The following CAMKK1 variants were observed in gnomAD, a reference collection of about 807,000 sequenced individuals.
CAMKK1 encodes the protein calcium/calmodulin dependent protein kinase kinase 1.
Under a neutral mutation model 63.5 loss-of-function variants are expected in CAMKK1, and 20 were observed. The observed-to-expected ratio is 0.32, with a 90% CI of 0.22 to 0.46. CAMKK1 has a LOEUF of 0.46. Among genes scored for constraint, CAMKK1 ranks in the 20% least tolerant of loss-of-function variants. The probability of loss-of-function intolerance (pLI) is 1.00; values close to 1 mark genes in which losing one functional copy is unlikely to be tolerated. For synonymous variants in CAMKK1, 253 were observed against 269.0 expected, an observed-to-expected ratio of 0.94 and a Z score of 0.58; for missense variants, 588 against 658.1, an observed-to-expected ratio of 0.89 and a Z score of 1.17.
chr17:3,876,899 A>C lies in CAMKK1; in HGVS notation c.797-477T>G, dbSNP rs570824532. Among the ~76,000 whole-genome samples, 16 of 151,956 alleles carry C rather than the reference A, an allele frequency of 1.1e-4. No homozygotes were observed. The East Asian group carries it at 3.1e-3, about 29-fold the overall frequency. The stretch of plus-strand genomic sequence containing the variant: ...CAGCCTCCCGAGTAGTTGGGATTAC[A>C]GGTGTCTGCCACCACGCCCGGCTAC... On this transcript the variant is annotated intron_variant, in intron 9 of 15. Transcript: ENST00000348335.
Position 3,869,799 on chromosome 17 carries a change from ACCTTGATGTCTGGCAC to A in CAMKK1, c.1198_1212+1del. ...CCAGCCCAAGACCCCCAGTTCCCCGACCTTGATGTCTGGCACCCCAATTCTCGTCTCGGGATTCTTG... is the reference window on the plus strand; with the variant it reads ...CCAGCCCAAGACCCCCAGTTCCCCGACCCAATTCTCGTCTCGGGATTCTTG... On this transcript the variant is annotated splice_donor_variant and coding_sequence_variant, in exon 13 of 16. Transcript: ENST00000348335. LOFTEE classifies it high-confidence loss of function. 6.2e-7 allele frequency: 1 copy of A among 1,613,916 alleles called. No homozygotes were observed. The highest frequency in any genetic ancestry group is 8.5e-7 in the Non-Finnish European group (1 of 1,179,884).
intron 12 of CAMKK1, 29 bp from the exon 13 acceptor site, chr17:3,869,917 G>T: frequency 3.2e-6 from 5 of 1,584,852 alleles, no homozygotes; most frequent in Non-Finnish European, 4.3e-6. Context: ...GGAGAGGAGG[G>T]TGGGACCGCT....
At position 3,890,890 on chromosome 17, in the gene CAMKK1, T is replaced by C. The variant is rs1472172010; in HGVS notation, c.-44+2049A>G. The C allele has an allele frequency of 2.9e-6, 2 of 684,008 alleles. No individual in the cohort carries two copies. The highest frequency in any genetic ancestry group is 4.1e-5 in the Admixed American group (2 of 48,286). 42.4% of individuals were successfully genotyped at this position (684,008 alleles called of 1,614,324 possible). ...GGTGAGCTCACCAAGTCAAACCCCT[T>C]AGAAGTCCAGATTCTACCCACTGCT... On this transcript the variant is annotated intron_variant, in intron 1 of 15. Transcript: ENST00000348335. This position sits in a 1 kb window ranked among gnomAD's most constrained non-coding sequence, Gnocchi z 6.5.
At position 3,890,016 on chromosome 17, in the gene CAMKK1, C is replaced by T. The variant is rs946214489; in HGVS notation, c.-44+2923G>A. On this transcript the variant is annotated intron_variant, in intron 1 of 15. Coordinates refer to ENST00000348335, the MANE Select transcript of CAMKK1 (RefSeq NM_032294.3). The surrounding 1 kb of genome is among the most constrained non-coding windows in gnomAD (Gnocchi z 6.5). ...AGGCAGGGGACCAGCTACATCCAGG[C>T]GAGGGGATGGACAGCCGTGACCAGC... Among the ~76,000 whole-genome samples the T allele has an allele frequency of 2.3e-4, 35 of 152,318 alleles. No homozygotes were observed. Among genetic ancestry groups the T allele is most frequent in the Admixed American group, 1.9e-3 (29 of 15,302 alleles).
intron 14 of CAMKK1, among the ~76,000 whole-genome samples, chr17:3,867,926 C>T (rs544331198): frequency 5.3e-5 from 8 of 151,410 alleles, no homozygotes; most frequent in Admixed American, 1.3e-4. Flanking sequence ...GAAATGTGAG[C>T]GGGCACTAGG....
chr17:3,875,088 C>G (rs1269084512), intron 10 of CAMKK1, among the ~76,000 whole-genome samples: 2 of 151,936 alleles, frequency 1.3e-5, no homozygotes, highest in African/African-American at 2.4e-5. Flanking sequence ...CGCCACTGCA[C>G]TCCAGCCTGG....
Position 3,885,340 on chromosome 17 carries a change from G to A in CAMKK1, c.348C>T (p.Ile116=). 23 of 1,595,720 alleles carry A rather than the reference G, an allele frequency of 1.4e-5. No individual in the cohort carries two copies. Among genetic ancestry groups the A allele is most frequent in the Non-Finnish European group, 2.0e-5 (23 of 1,168,588 alleles). ...CTGCCCCACCAACCTCTGCATCTGA[G>A]ATGGCCACGTGGTGGGACTCGATGG... ...RPTIESHHVA[I]SDAEDCVQLN... is the part of the protein sequence containing the mutation. The change falls in exon 2 of 16, where the codon ATC becomes ATT. Residue 116 remains isoleucine (I), a synonymous_variant. Transcript: ENST00000348335.
At position 3,883,249 on chromosome 17, in the gene CAMKK1, A is replaced by T. The variant is rs2055494292; in HGVS notation, c.515-74T>A. The T allele has an allele frequency of 6.3e-7, 1 of 1,583,770 alleles. No individual in the cohort carries two copies. Among genetic ancestry groups the T allele is most frequent in the Middle Eastern group, 2.0e-4 (1 of 4,908 alleles). On this transcript the variant is annotated intron_variant, in intron 5 of 15. Transcript: ENST00000348335. This position sits in a 1 kb window ranked among gnomAD's most constrained non-coding sequence, Gnocchi z 4.7. ...CACCGTGGCCCCCAAACCAGTCTCA[A>T]GCAAGAGTCTTGCATGCCCGTGGTC... is the stretch of plus-strand genomic sequence containing the variant.
At chr17:3,872,684 G>T in intron 11 of CAMKK1, 57 bp from the exon 12 acceptor site, 3 of 1,478,292 alleles carry the variant, frequency 2.0e-6, no homozygotes, top group Non-Finnish European at 2.8e-6. Flanking sequence ...CCTGTGCCAG[G>T]GGATCAACCC....
At position 3,889,644 on chromosome 17, in the gene CAMKK1, G is replaced by A. The variant is rs2055811121; in HGVS notation, c.-44+3295C>T. Among the ~76,000 whole-genome samples, 1 of 152,120 alleles carries A rather than the reference G, an allele frequency of 6.6e-6. No homozygotes were observed. Among genetic ancestry groups the A allele is most frequent in the Non-Finnish European group, 1.5e-5 (1 of 68,010 alleles). On this transcript the variant is annotated intron_variant, in intron 1 of 15. Coordinates refer to ENST00000348335, the MANE Select transcript of CAMKK1 (RefSeq NM_032294.3). The surrounding 1 kb of genome is among the most constrained non-coding windows in gnomAD (Gnocchi z 5.2). ...CTGGGATGTGGCTGTGTCTAGAAGC[G>A]TCCAAGAGAGCCTTGATGTGCAAGG...
At chr17:3,871,186 C>G (rs1441970022) in intron 12 of CAMKK1, among the ~76,000 whole-genome samples, 1 of 151,836 alleles carries the variant, frequency 6.6e-6, no homozygotes, top group East Asian at 1.9e-4. Context: ...CTGAATGAGG[C>G]AAGGGGTATA....
chr17:3,865,658 T>G, intron 15 of CAMKK1: 1 of 1,363,310 alleles, frequency 7.3e-7, no homozygotes, highest in Non-Finnish European at 9.5e-7. Flanking sequence ...CTGCGTGAGC[T>G]CCTCATCCCT....
Position 3,862,263 on chromosome 17 carries a change from C to A in CAMKK1, c.1466G>T (p.Gly489Val). ...NLLVKEGFGE[G>V]GKSPELPGVQ... ...GCCGGGGAGCTCTGGGCTCTTGCCC[C>A]CTTCACCAAACCCTTCTTTCCTGTT... The change falls in exon 16 of 16, where the codon GGG becomes GTG. Residue 489 changes from glycine to valine, a missense_variant. Coordinates refer to ENST00000348335, the MANE Select transcript of CAMKK1 (RefSeq NM_032294.3). This position sits in a 1 kb window ranked among gnomAD's most constrained non-coding sequence, Gnocchi z 4.1. 1 of 1,588,668 alleles carries A rather than the reference C, an allele frequency of 6.3e-7. No homozygotes were observed. The highest frequency in any genetic ancestry group is 2.3e-5 in the East Asian group (1 of 43,690).
rs1253020624 is a variant in CAMKK1, at chr17:3,890,062, AAGCCG to A, written c.-44+2872_-44+2876del. 1.2e-4 allele frequency among the ~76,000 whole-genome samples: 19 copies of A among 152,202 alleles called. No individual in the cohort carries two copies. The highest frequency in any genetic ancestry group is 2.2e-4 in the Non-Finnish European group (15 of 68,024). The stretch of plus-strand genomic sequence containing the variant: ...CCAGCAGAGGACCGAACAGAAGGGA[AAGCCG>A]CAGAGGTGGCGGCCACCCAGGCCAG... On this transcript the variant is annotated intron_variant, in intron 1 of 15. Coordinates refer to ENST00000348335, the MANE Select transcript of CAMKK1 (RefSeq NM_032294.3). The surrounding 1 kb of genome is among the most constrained non-coding windows in gnomAD (Gnocchi z 6.5).
rs539271817 is a variant in CAMKK1 at position 3,869,818 on chromosome 17, C to A, written c.1195G>T (p.Gly399Trp). 19 of 1,614,226 alleles carry A rather than the reference C, an allele frequency of 1.2e-5. No individual in the cohort carries two copies. In the South Asian group the frequency reaches 2.1e-4, roughly 18 times the overall value. ...TCCCCGACCTTGATGTCTGGCACCCCAATTCTCGTCTCGGGATTCTTGTCT... is the reference window on the plus strand; with the variant it reads ...TCCCCGACCTTGATGTCTGGCACCCAAATTCTCGTCTCGGGATTCTTGTCT... ...MLDKNPETRIGVPDIKLHPWV... is the reference protein window; with the variant it reads ...MLDKNPETRIWVPDIKLHPWV... Residue 399 changes from glycine (G) to tryptophan (W), a missense_variant, in exon 13 of 16, where the codon GGG (glycine) becomes TGG (tryptophan). Coordinates refer to ENST00000348335, the MANE Select transcript of CAMKK1 (RefSeq NM_032294.3).
rs564641881 is a variant in CAMKK1, at chr17:3,869,966, C to T, written c.1125-78G>A. On this transcript the variant is annotated intron_variant, in intron 12 of 15. Coordinates refer to ENST00000348335, the MANE Select transcript of CAMKK1 (RefSeq NM_032294.3). ...TCCTGTCCACCTCTCTTCCCGAAAC[C>T]TTCGTCCCTCGGATGGGAAGACTGA... The T allele has an allele frequency of 1.2e-4, 147 of 1,198,182 alleles. 3 individuals carry two copies. The South Asian group carries it at 1.8e-3, about 14-fold the overall frequency. 74.2% of individuals were successfully genotyped at this position (1,198,182 alleles called of 1,614,324 possible). A position where few individuals can be genotyped will look rare whatever the true frequency, so the allele number is the denominator to read the frequency against.
chr17:3,884,054 C>T lies in CAMKK1; in HGVS notation c.409-117G>A. 2 of 983,054 alleles carry T rather than the reference C, an allele frequency of 2.0e-6. No homozygotes were observed. The highest frequency in any genetic ancestry group is 2.5e-5 in the East Asian group (1 of 39,334). The allele number at this position is 983,054 out of a possible 1,614,324, so 60.9% of individuals were successfully genotyped here. A position where few individuals can be genotyped will look rare whatever the true frequency, so the allele number is the denominator to read the frequency against. On this transcript the variant is annotated intron_variant, in intron 3 of 15. Coordinates refer to ENST00000348335, the MANE Select transcript of CAMKK1 (RefSeq NM_032294.3). This position sits in a 1 kb window ranked among gnomAD's most constrained non-coding sequence, Gnocchi z 4.5. ...CCTGCACCCCATCTGCACTACCCACCACCAGCTGGCTCACGGGCAAATATT... is the reference window on the plus strand; with the variant it reads ...CCTGCACCCCATCTGCACTACCCACTACCAGCTGGCTCACGGGCAAATATT...
intron 1 of CAMKK1, among the ~76,000 whole-genome samples, chr17:3,891,116 G>C (rs925088335): frequency 2.0e-5 from 3 of 151,944 alleles, no homozygotes; most frequent in South Asian, 2.1e-4. Context: ...GGTTGGGGGG[G>C]GGGTCACAGG....
chr17:3,869,239 G>C (rs974879488), intron 14 of CAMKK1, among the ~76,000 whole-genome samples: 1 of 152,032 alleles, frequency 6.6e-6, no homozygotes, highest in Non-Finnish European at 1.5e-5. Flanking sequence ...TTACAGGCGT[G>C]AGCCACCGCG....
Sources: gnomAD v4.1 joint callset for allele counts (sites outside exome capture counted in the v4.1 genomes callset) on GRCh38, gnomAD v4.1.1 for gene constraint, Gnocchi (gnomAD v3.1) non-coding constraint, MANE v1.5 for transcripts, NCBI Gene and HGNC (gene_info 2026-07-23, HGNC 2026-07-21) for gene names.